PROM1: variants seen among roughly 807,000 people sequenced by gnomAD.
The protein encoded by PROM1 is prominin 1.
Under a neutral mutation model 116.9 loss-of-function variants are expected in PROM1, and 105 were observed. The observed-to-expected ratio is 0.90, with a 90% CI of 0.77 to 1.06. The LOEUF is 1.06. Among genes scored for constraint, PROM1 ranks in the 50% least tolerant of loss-of-function variants. PROM1 has a pLI of 0.00. For synonymous variants in PROM1, 393 were observed against 387.0 expected (o/e 1.02, Z -0.18); for missense variants, 1,122 against 1,045.2 (o/e 1.07, Z -1.01).
rs139235648 is a variant in PROM1, at chr4:15,992,241, G to A, written c.1911+7C>T. ...TAAAGGATCAAGCATGAACACATGC[G>A]CCATACCTGAGCCAAGTAGCTGTCA... is the stretch of plus-strand genomic sequence containing the variant. On this transcript the variant is annotated splice_region_variant and intron_variant, in intron 17 of 27. Transcript: ENST00000447510. 7 of 1,613,480 alleles carry A rather than the reference G, an allele frequency of 4.3e-6. No individual in the cohort carries two copies. Among genetic ancestry groups the A allele is most frequent in the East Asian group, 2.2e-5 (1 of 44,858 alleles).
intron 23 of PROM1, among the ~76,000 whole-genome samples, chr4:15,983,695 G>A (rs1718552454): frequency 6.6e-6 from 1 of 152,156 alleles, no homozygotes; most frequent in Admixed American, 6.5e-5. Flanking sequence ...GATCTGGAAT[G>A]GGGAGGCTCA....
intron 8 of PROM1, 65 bp downstream of exon 8, chr4:16,023,261 C>T (rs964588446): frequency 1.6e-5 from 22 of 1,366,490 alleles, no homozygotes; most frequent in South Asian, 7.5e-5. Flanking sequence ...AAAGAGTGAG[C>T]AAGCCTGCCA....
At chr4:16,021,958 A>C (rs774838834) in intron 8 of PROM1, among the ~76,000 whole-genome samples, 7 of 152,126 alleles carry the variant, frequency 4.6e-5, no homozygotes, top group Admixed American at 4.6e-4. Context: ...GTGGGTCCCT[A>C]ATCCAACAGA....
intron 2 of PROM1, among the ~76,000 whole-genome samples, chr4:16,046,599 T>C (rs1460917239): frequency 6.6e-6 from 1 of 152,224 alleles, no homozygotes; most frequent in Non-Finnish European, 1.5e-5. Flanking sequence ...TCACTTCTGT[T>C]AGGTTGATCG....
intron 2 of PROM1, among the ~76,000 whole-genome samples, chr4:16,052,416 C>T (rs540779213): frequency 6.6e-6 from 1 of 152,180 alleles, no homozygotes; most frequent in Non-Finnish European, 1.5e-5. Flanking sequence ...CAGCAGAATG[C>T]CCCCTAATAA....
At chr4:15,998,051 G>T (rs939988953) in intron 15 of PROM1, among the ~76,000 whole-genome samples, 4 of 152,136 alleles carry the variant, frequency 2.6e-5, no homozygotes, top group African/African-American at 9.7e-5. Context: ...CACTATTCTT[G>T]TTGGATGGCT....
intron 10 of PROM1, among the ~76,000 whole-genome samples, chr4:16,015,215 G>A (rs1228654253): frequency 4.6e-5 from 7 of 151,430 alleles, no homozygotes; most frequent in African/African-American, 1.7e-4. Flanking sequence ...GTGTGGTGGC[G>A]TGTGCCTGTT....
chr4:15,989,939 G>T, intron 18 of PROM1, 115 bp from the exon 19 acceptor site: 1 of 790,470 alleles, frequency 1.3e-6, no homozygotes, highest in Non-Finnish European at 2.1e-6. Context: ...AGCATGCAAT[G>T]ATGGCTGTGA....
At chr4:16,000,459 T>C in intron 14 of PROM1, 37 bp downstream of exon 14, 1 of 1,516,678 alleles carries the variant, frequency 6.6e-7, no homozygotes. Flanking sequence ...AAGTTTCTGT[T>C]CAAGTCCTTT....
chr4:15,988,680 G>A (rs1720141199), intron 19 of PROM1, among the ~76,000 whole-genome samples: 1 of 152,122 alleles, frequency 6.6e-6, no homozygotes, highest in African/African-American at 2.4e-5. Context: ...AGGCCAAAGG[G>A]TCCTGTGTAC....
At position 15,989,903 on chromosome 4, in the gene PROM1, G is replaced by A. The variant is rs1013619706; in HGVS notation, c.1984-79C>T. Reference sequence around the variant, plus strand: ...CTCTCGCTATCCTCAGGGGCCCTGTGTAGCCAGGAGGGCTGCCATGACATA... The same window carrying A: ...CTCTCGCTATCCTCAGGGGCCCTGTATAGCCAGGAGGGCTGCCATGACATA... On this transcript the variant is annotated intron_variant, in intron 18 of 27. Transcript: ENST00000447510. 1.5e-5 allele frequency: 17 copies of A among 1,131,052 alleles called. No individual in the cohort carries two copies. In the African/African-American group the frequency reaches 2.6e-4, roughly 17 times the overall value. The allele number at this position is 1,131,052 out of a possible 1,614,324, so 70.1% of individuals were successfully genotyped here.
At position 16,039,005 on chromosome 4, in the gene PROM1, GA is replaced by G. The variant is rs749014145; in HGVS notation, c.221-5del. On this transcript the variant is annotated splice_polypyrimidine_tract_variant and splice_region_variant and intron_variant, in intron 2 of 27. Coordinates refer to ENST00000447510, the MANE Select transcript of PROM1 (RefSeq NM_006017.3). ...TGTAAGAATTTTCTCAAAGTATCTG[GA>G]AAAAAAGCCACAAAATAGCAATATT... is the stretch of plus-strand genomic sequence containing the variant. 2.6e-5 allele frequency: 38 copies of G among 1,475,806 alleles called. No individual in the cohort carries two copies. The highest frequency in any genetic ancestry group is 9.5e-5 in the Admixed American group (4 of 41,886). 91.4% of individuals were successfully genotyped at this position (1,475,806 alleles called of 1,614,324 possible). A position where few individuals can be genotyped will look rare whatever the true frequency, so the allele number is the denominator to read the frequency against.
At chr4:16,035,663 C>T in intron 4 of PROM1, 72 bp downstream of exon 4, 2 of 1,403,366 alleles carry the variant, frequency 1.4e-6, no homozygotes, top group South Asian at 2.3e-5. Flanking sequence ...TAAAAATCTT[C>T]ACAGTGAGGA....
In PROM1 at chr4:15,989,820, G is replaced by T; in HGVS notation, c.1988C>A (p.Pro663Gln). 1 of 1,599,746 alleles carries T rather than the reference G, an allele frequency of 6.3e-7. No homozygotes were observed. The highest frequency in any genetic ancestry group is 1.7e-5 in the Admixed American group (1 of 58,216). Residue 663 changes from proline (P) to glutamine (Q), a missense_variant, in exon 19 of 28, where the codon CCA becomes CAA. By Grantham distance (76) the Pro-to-Gln change is moderately conservative. Transcript: ENST00000447510. ...TTTCAGGGAGTTCCTCAAATTTCCT[G>T]GGGGCTACAAAAAGAATAAAAAACA... The part of the protein sequence containing the change: ...DLEAKANSLP[P>Q]GNLRNSLKRD...
At chr4:16,063,287 A>G (rs553830153) in intron 2 of PROM1, among the ~76,000 whole-genome samples, 1 of 152,342 alleles carries the variant, frequency 6.6e-6, no homozygotes, top group South Asian at 2.1e-4. Context: ...ATAAAGGTGC[A>G]CCTTATAAAT....
intron 2 of PROM1, among the ~76,000 whole-genome samples, chr4:16,066,299 T>C (rs1396521348): frequency 6.6e-6 from 1 of 152,220 alleles, no homozygotes; most frequent in Non-Finnish European, 1.5e-5. Context: ...TAAATATGGA[T>C]TTTATACATT....
At chr4:16,017,153 A>C (rs924134069) in intron 9 of PROM1, among the ~76,000 whole-genome samples, 1 of 152,202 alleles carries the variant, frequency 6.6e-6, no homozygotes, top group Non-Finnish European at 1.5e-5. Context: ...CTTTTGAGAA[A>C]AGAACAAAAT....
chr4:16,076,758 G>C (rs6812845), intron 1 of PROM1: 130,798 of 163,694 alleles, frequency 0.8, 52,527 homozygotes, highest in Non-Finnish European at 0.84. Context: ...AAATTCTTCA[G>C]CTTGAGATGC....
In PROM1 at chr4:15,992,116, C is replaced by T. The variant is rs370707128; in HGVS notation, c.1911+132G>A. Reference sequence around the variant, plus strand: ...GCACTGTGAATGTACTCAATGCCACCGAATTGCTCACTTTAAAATAGTCTT... The same window carrying T: ...GCACTGTGAATGTACTCAATGCCACTGAATTGCTCACTTTAAAATAGTCTT... On this transcript the variant is annotated intron_variant, in intron 17 of 27. Coordinates refer to ENST00000447510, the MANE Select transcript of PROM1 (RefSeq NM_006017.3). 32 of 1,160,674 alleles carry T rather than the reference C, an allele frequency of 2.8e-5. No homozygotes were observed. In the African/African-American group the frequency reaches 3.4e-4, roughly 12 times the overall value. The allele number at this position is 1,160,674 out of a possible 1,614,324, so 71.9% of individuals were successfully genotyped here.
Sources: gnomAD v4.1 joint callset for allele counts (sites outside exome capture counted in the v4.1 genomes callset) on GRCh38, gnomAD v4.1.1 for gene constraint, MANE v1.5 for transcripts, NCBI Gene and HGNC (gene_info 2026-07-23, HGNC 2026-07-21) for gene names.